SLC9A9: variants seen among roughly 807,000 people sequenced by gnomAD.
SLC9A9 encodes the protein solute carrier family 9 member A9, also known as sodium/hydrogen exchanger 9.
SLC9A9 carries 62 observed loss-of-function variants against 77.8 expected under a neutral mutation model. The ratio of observed to expected loss-of-function variants is 0.80; its 90% CI spans 0.65 to 0.98. SLC9A9 has a LOEUF of 0.98. SLC9A9 is among the 50% of genes least tolerant of loss of function. The pLI, the probability that SLC9A9 is intolerant of heterozygous loss-of-function variation, is 0.00. For synonymous variants in SLC9A9, 320 were observed against 283.5 expected, an observed-to-expected ratio of 1.13 and a Z score of -1.29; for missense variants, 775 against 774.9, an observed-to-expected ratio of 1.00 and a Z score of 0.00.
chr3:143,836,759 C>T (rs1464585421), intron 1 of SLC9A9, among the ~76,000 whole-genome samples: 1 of 152,168 alleles, frequency 6.6e-6, no homozygotes, highest in Middle Eastern at 3.4e-3. Flanking sequence ...TCTATTACTC[C>T]CTTATTATGT....
At chr3:143,732,065 T>A (rs1934819220) in intron 4 of SLC9A9, among the ~76,000 whole-genome samples, 1 of 152,216 alleles carries the variant, frequency 6.6e-6, no homozygotes, top group South Asian at 2.1e-4. Context: ...GAGGATTGGA[T>A]CTGCTCCAGG....
intron 4 of SLC9A9, among the ~76,000 whole-genome samples, chr3:143,721,074 G>A (rs1934486897): frequency 2.6e-5 from 4 of 152,122 alleles, no homozygotes; most frequent in Admixed American, 2.6e-4. Context: ...GCCAAGTGTG[G>A]TGGTACATTA....
intron 9 of SLC9A9, among the ~76,000 whole-genome samples, chr3:143,523,580 G>A (rs2036354843): frequency 2.0e-5 from 3 of 152,172 alleles, no homozygotes; most frequent in Admixed American, 2.0e-4. Context: ...TGCATGCTGT[G>A]TGAACTTGTG....
At chr3:143,655,131 G>C (rs1236924011) in intron 5 of SLC9A9, among the ~76,000 whole-genome samples, 1 of 152,202 alleles carries the variant, frequency 6.6e-6, no homozygotes, top group African/African-American at 2.4e-5. Context: ...GGTGAGTCAG[G>C]AAATTAGCCA....
intron 6 of SLC9A9, among the ~76,000 whole-genome samples, chr3:143,642,834 T>C (rs1020453916): frequency 1.3e-5 from 2 of 152,196 alleles, no homozygotes; most frequent in African/African-American, 4.8e-5. Flanking sequence ...TCCCTTTAGT[T>C]TTTAATGTCA....
chr3:143,698,340 A>G (rs1933699388), intron 4 of SLC9A9, among the ~76,000 whole-genome samples: 1 of 152,242 alleles, frequency 6.6e-6, no homozygotes, highest in Non-Finnish European at 1.5e-5. Flanking sequence ...TCCAATTAGT[A>G]ATATCCTTTG....
At chr3:143,454,488 A>T (rs1314140911) in intron 12 of SLC9A9, among the ~76,000 whole-genome samples, 1 of 152,000 alleles carries the variant, frequency 6.6e-6, no homozygotes, top group Non-Finnish European at 1.5e-5. Context: ...TTTTGAGTCA[A>T]TTTCTTTGTA....
At chr3:143,514,435 C>T (rs545535538) in intron 9 of SLC9A9, among the ~76,000 whole-genome samples, 26 of 152,144 alleles carry the variant, frequency 1.7e-4, no homozygotes, top group Non-Finnish European at 3.2e-4. Context: ...GAAGGTCAGC[C>T]TGTCTTTTGA....
intron 14 of SLC9A9, among the ~76,000 whole-genome samples, chr3:143,289,944 C>T (rs773091412): frequency 1.5e-4 from 23 of 152,312 alleles, no homozygotes; most frequent in Middle Eastern, 6.8e-3. Flanking sequence ...ATGTCTCCTT[C>T]GTAACTGCAT....
chr3:143,512,497 C>T (rs1360618259), intron 9 of SLC9A9, among the ~76,000 whole-genome samples: 1 of 152,178 alleles, frequency 6.6e-6, no homozygotes. Context: ...ATGAGTCACA[C>T]ACAATTTTTG....
chr3:143,381,956 C>CG, intron 13 of SLC9A9, 104 bp downstream of exon 13: 1 of 1,325,874 alleles, frequency 7.5e-7, no homozygotes, highest in South Asian at 1.2e-5. Context: ...GAGGAAGCTC[C>CG]GTTTAGAAAT....
chr3:143,350,254 AGT>A (rs2032411769), intron 14 of SLC9A9, among the ~76,000 whole-genome samples: 1 of 152,178 alleles, frequency 6.6e-6, no homozygotes, highest in Admixed American at 6.5e-5. Flanking sequence ...TTGAGGCCAG[AGT>A]TTTCTGGCAT....
At chr3:143,288,343 T>C (rs942446822) in intron 14 of SLC9A9, among the ~76,000 whole-genome samples, 1 of 152,116 alleles carries the variant, frequency 6.6e-6, no homozygotes, top group Admixed American at 6.6e-5. Flanking sequence ...CTGCTAAGTA[T>C]AAATACGCAG....
intron 5 of SLC9A9, among the ~76,000 whole-genome samples, chr3:143,676,648 A>G (rs551322022): frequency 1.3e-5 from 2 of 152,068 alleles, no homozygotes; most frequent in African/African-American, 4.8e-5. Context: ...GAGGCAGGAG[A>G]ATCGCTTGAA....
intron 8 of SLC9A9, among the ~76,000 whole-genome samples, chr3:143,553,386 G>A (rs2036926544): frequency 1.3e-5 from 2 of 152,100 alleles, no homozygotes; most frequent in South Asian, 4.1e-4. Context: ...CATAGAGGAG[G>A]GCTTTGGGAA....
At chr3:143,404,602 TC>T (rs1322756373) in intron 12 of SLC9A9, among the ~76,000 whole-genome samples, 3 of 152,138 alleles carry the variant, frequency 2.0e-5, no homozygotes, top group Non-Finnish European at 2.9e-5. Context: ...TACTCTTTTT[TC>T]CCCCTCTTTA....
intron 4 of SLC9A9, among the ~76,000 whole-genome samples, chr3:143,781,120 A>G (rs1428669958): frequency 6.6e-6 from 1 of 152,212 alleles, no homozygotes; most frequent in Non-Finnish European, 1.5e-5. Context: ...CAATATTGGT[A>G]CATTATTACT....
At chr3:143,568,687 T>C (rs1228559601) in intron 8 of SLC9A9, among the ~76,000 whole-genome samples, 2 of 152,134 alleles carry the variant, frequency 1.3e-5, no homozygotes, top group Non-Finnish European at 2.9e-5. Flanking sequence ...GAGTGAAAAT[T>C]ATTCATTCCA....
At chr3:143,415,749 C>G (rs1350069529) in intron 12 of SLC9A9, among the ~76,000 whole-genome samples, 1 of 152,144 alleles carries the variant, frequency 6.6e-6, no homozygotes, top group Admixed American at 6.5e-5. Context: ...ACTTTCAAGT[C>G]TTATTATATA....
Sources: allele counts gnomAD v4.1 joint callset (sites outside exome capture counted in the v4.1 genomes callset), GRCh38; gene constraint gnomAD v4.1.1; transcripts MANE v1.5; gene names NCBI Gene and HGNC (gene_info 2026-07-23, HGNC 2026-07-21).